Variants in NTSR1 observed in about 807,000 individuals in gnomAD.
The protein encoded by NTSR1 is neurotensin receptor 1.
NTSR1 carries 29 observed loss-of-function variants against 31.2 expected under a neutral mutation model. That is an observed-to-expected ratio of 0.93 (90% CI 0.69 to 1.27). NTSR1 has a LOEUF of 1.27. NTSR1 is among the 50% of genes most tolerant of loss of function. The probability of loss-of-function intolerance (pLI) is 0.00; values close to 1 mark genes in which losing one functional copy is unlikely to be tolerated. For synonymous variants in NTSR1, 282 were observed against 269.9 expected, an observed-to-expected ratio of 1.04 and a Z score of -0.44; for missense variants, 697 against 595.4, an observed-to-expected ratio of 1.17 and a Z score of -1.78.
chr20:62,759,321 G>A (rs1989568785), intron 3 of NTSR1, among the ~76,000 whole-genome samples: 1 of 152,178 alleles, frequency 6.6e-6, no homozygotes, highest in Non-Finnish European at 1.5e-5. Flanking sequence ...AAGGTGTGTG[G>A]CTGCTGGGGA....
chr20:62,751,224 G>GA (rs1989389114), intron 1 of NTSR1, among the ~76,000 whole-genome samples: 1 of 152,164 alleles, frequency 6.6e-6, no homozygotes, highest in African/African-American at 2.4e-5. Flanking sequence ...AAAGCTGGGG[G>GA]AAAAGGTTAA....
intron 1 of NTSR1, among the ~76,000 whole-genome samples, chr20:62,752,084 T>A (rs1345869877): frequency 6.6e-6 from 1 of 152,240 alleles, no homozygotes; most frequent in Non-Finnish European, 1.5e-5. Flanking sequence ...AGAGTCCATG[T>A]GTCTATGCAC....
rs895974712 is a variant in NTSR1, at chr20:62,709,634, G to A, written c.427G>A (p.Gly143Ser). Residue 143 changes from glycine (G) to serine (S), a missense_variant, in exon 1 of 4, where the codon GGC (glycine) becomes AGC (serine). Gly to Ser is a moderately conservative substitution (Grantham distance 56). Transcript: ENST00000370501. ...PWAFGDAGCRGYYFLRDACTY... is the reference protein window; with the variant it reads ...PWAFGDAGCRSYYFLRDACTY... ...GGCCTTCGGCGACGCCGGCTGCCGCGGCTACTACTTCCTGCGCGACGCCTG... is the reference window on the plus strand; with the variant it reads ...GGCCTTCGGCGACGCCGGCTGCCGCAGCTACTACTTCCTGCGCGACGCCTG... 1.2e-6 allele frequency: 2 copies of A among 1,612,310 alleles called. No individual in the cohort carries two copies. The highest frequency in any genetic ancestry group is 2.2e-5 in the South Asian group (2 of 91,076).
intron 1 of NTSR1, among the ~76,000 whole-genome samples, chr20:62,748,643 C>T (rs143411980): frequency 7.9e-4 from 120 of 152,298 alleles, no homozygotes; most frequent in African/African-American, 2.8e-3. Flanking sequence ...TCATCTTTGA[C>T]AAGGTGCTAT....
In NTSR1 at chr20:62,761,429, GA is replaced by G; in HGVS notation, c.*1167del. On this transcript the variant is annotated 3_prime_UTR_variant, in exon 4 of 4. Coordinates refer to ENST00000370501, the MANE Select transcript of NTSR1 (RefSeq NM_002531.3). ...CCCTGGCCCCGGCCTCCAAGCAGTT[GA>G]AAAAGCTGGCGCCTCCTTGGTCTCT... 6.6e-6 allele frequency: 1 copy of G among 152,442 alleles called. No individual in the cohort carries two copies. The highest frequency in any genetic ancestry group is 1.5e-5 in the Non-Finnish European group (1 of 68,142). The allele number at this position is 152,442 out of a possible 1,614,324, so 9.4% of individuals were successfully genotyped here.
At position 62,742,683 on chromosome 20, in the gene NTSR1, T is replaced by C. The variant is rs1224698771; in HGVS notation, c.715-12002T>C. ...CTTTTCCCTGGGTCCCTCCATGGTG[T>C]CTCCTCTGAGGACAGCCACTGGTCA... On this transcript the variant is annotated intron_variant, in intron 1 of 3. Transcript: ENST00000370501. The surrounding 1 kb of genome is among the most constrained non-coding windows in gnomAD (Gnocchi z 7.1). Among the ~76,000 whole-genome samples, 1 of 149,406 alleles carries C rather than the reference T, an allele frequency of 6.7e-6. No individual in the cohort carries two copies. The highest frequency in any genetic ancestry group is 2.2e-4 in the East Asian group (1 of 4,464).
At chr20:62,736,489 G>A (rs1271909532) in intron 1 of NTSR1, among the ~76,000 whole-genome samples, 4 of 152,248 alleles carry the variant, frequency 2.6e-5, no homozygotes, top group Non-Finnish European at 4.4e-5. Flanking sequence ...AGGAGAGGGG[G>A]TTTGGGAGAG....
chr20:62,754,879 C>G lies in NTSR1; in HGVS notation c.909C>G (p.Arg303=). ...TCCAGGCCCTGCGGCACGGCGTGCG[C>G]GTCCTACGTACGTAACCTCTGGGCC... ...GRVQALRHGV[R]VLRAVVIAFV... Residue 303 remains arginine (R), a synonymous_variant, in exon 2 of 4, where the codon CGC becomes CGG. Coordinates refer to ENST00000370501, the MANE Select transcript of NTSR1 (RefSeq NM_002531.3). 3 of 1,597,818 alleles carry G rather than the reference C, an allele frequency of 1.9e-6. No homozygotes were observed. The highest frequency in any genetic ancestry group is 2.5e-6 in the Non-Finnish European group (3 of 1,176,598).
At chr20:62,725,564 C>A (rs1415364945) in intron 1 of NTSR1, among the ~76,000 whole-genome samples, 1 of 152,222 alleles carries the variant, frequency 6.6e-6, no homozygotes, top group East Asian at 1.9e-4. Flanking sequence ...AATCCTGCAG[C>A]CACCCAACCG....
intron 1 of NTSR1, among the ~76,000 whole-genome samples, chr20:62,750,678 G>T: frequency 7.4e-6 from 1 of 135,508 alleles, no homozygotes; most frequent in Non-Finnish European, 1.5e-5. Context: ...GCGACAGAGC[G>T]AGACTCCGTC....
chr20:62,717,589 G>C (rs1988754557), intron 1 of NTSR1, among the ~76,000 whole-genome samples: 1 of 152,186 alleles, frequency 6.6e-6, no homozygotes, highest in Non-Finnish European at 1.5e-5. Flanking sequence ...ACTGTGCCTG[G>C]GGTGGAAGAA....
chr20:62,709,223 T>C lies in NTSR1; in HGVS notation c.16T>C (p.Ser6Pro), dbSNP rs762106785. ...AGCGCCCACCATGCGCCTCAACAGC[T>C]CCGCGCCGGGAACCCCGGGCACGCC... is the stretch of plus-strand genomic sequence containing the variant. MRLNS[S>P]APGTPGTPAA... Residue 6 changes from serine to proline, a missense_variant, in exon 1 of 4, where the codon TCC becomes CCC. By Grantham distance (74) the Ser-to-Pro change is moderately conservative. Coordinates refer to ENST00000370501, the MANE Select transcript of NTSR1 (RefSeq NM_002531.3). 134 of 1,480,086 alleles carry C rather than the reference T, an allele frequency of 9.1e-5. No homozygotes were observed. The highest frequency in any genetic ancestry group is 2.3e-4 in the Admixed American group (10 of 42,840). The allele number at this position is 1,480,086 out of a possible 1,614,324, so 91.7% of individuals were successfully genotyped here.
rs1313970951 is a variant in NTSR1, at chr20:62,762,399, A to G, written c.*2132A>G. ...GGCAGAGTGGATGCCCCACTGCCCT[A>G]GACCCTCGGTAGACGTGGGGTCTCT... On this transcript the variant is annotated 3_prime_UTR_variant, in exon 4 of 4. Transcript: ENST00000370501. The G allele has an allele frequency of 2.0e-5, 3 of 152,208 alleles. No individual in the cohort carries two copies. The highest frequency in any genetic ancestry group is 7.2e-5 in the African/African-American group (3 of 41,436). 9.4% of individuals were successfully genotyped at this position (152,208 alleles called of 1,614,324 possible). A position where few individuals can be genotyped will look rare whatever the true frequency, so the allele number is the denominator to read the frequency against.
chr20:62,755,122 C>CTCCATCCATCCTTCCCTCCCTCCA (rs1989463513), intron 2 of NTSR1, among the ~76,000 whole-genome samples: 6 of 123,122 alleles, frequency 4.9e-5, no homozygotes, highest in Non-Finnish European at 1.0e-4. Context: ...CCCTCCCTCC[C>CTCCATCCATCCTTCCCTCCCTCCA]TCCATCCATC....
chr20:62,717,455 C>T (rs1237688082), intron 1 of NTSR1, among the ~76,000 whole-genome samples: 2 of 152,212 alleles, frequency 1.3e-5, no homozygotes, highest in Non-Finnish European at 2.9e-5. Flanking sequence ...CCCAGCTTCA[C>T]CACTGGCCAG....
At chr20:62,736,810 C>T (rs1989103024) in intron 1 of NTSR1, among the ~76,000 whole-genome samples, 1 of 152,240 alleles carries the variant, frequency 6.6e-6, no homozygotes, top group African/African-American at 2.4e-5. Flanking sequence ...TTGTAATCCC[C>T]ATAATGCCCC....
chr20:62,709,462 G>A lies in NTSR1; in HGVS notation c.255G>A (p.Ala85=), dbSNP rs1446536670. ...GCACGGTGGGCAACACGGTGACGGC[G>A]TTCACGCTGGCGCGGAAGAAGTCGC... ...VVGTVGNTVT[A]FTLARKKSLQ... Residue 85 remains alanine (A), a synonymous_variant, in exon 1 of 4, where the codon GCG becomes GCA. Coordinates refer to ENST00000370501, the MANE Select transcript of NTSR1 (RefSeq NM_002531.3). The A allele has an allele frequency of 1.9e-6, 3 of 1,612,618 alleles. No homozygotes were observed. Among genetic ancestry groups the A allele is most frequent in the Admixed American group, 1.7e-5 (1 of 59,994 alleles).
rs1989277739 is a variant in NTSR1, at chr20:62,745,204, G to A, written c.715-9481G>A. On this transcript the variant is annotated intron_variant, in intron 1 of 3. Coordinates refer to ENST00000370501, the MANE Select transcript of NTSR1 (RefSeq NM_002531.3). The surrounding 1 kb of genome is among the most constrained non-coding windows in gnomAD (Gnocchi z 4.1). ...CCAGACTCAGAGGGAGACCCAGACA[G>A]ACAGCAACACAAAGACAGAGAGAGA... is the stretch of plus-strand genomic sequence containing the variant. Among the ~76,000 whole-genome samples, 1 of 152,178 alleles carries A rather than the reference G, an allele frequency of 6.6e-6. No individual in the cohort carries two copies. Among genetic ancestry groups the A allele is most frequent in the Non-Finnish European group, 1.5e-5 (1 of 68,028 alleles).
rs574995156 is a variant in NTSR1, at chr20:62,742,809, G to A, written c.715-11876G>A. On this transcript the variant is annotated intron_variant, in intron 1 of 3. Coordinates refer to ENST00000370501, the MANE Select transcript of NTSR1 (RefSeq NM_002531.3). The surrounding 1 kb of genome is among the most constrained non-coding windows in gnomAD (Gnocchi z 7.1). ...TGGCACCCCACCTCTGGCATGGGGA[G>A]CAGAGACCCACCAGGGTTCCCATCC... 3.4e-4 allele frequency among the ~76,000 whole-genome samples: 51 copies of A among 148,856 alleles called. 2 individuals are homozygous for A. The highest frequency in any genetic ancestry group is 6.0e-4 in the Non-Finnish European group (41 of 67,898).
Sources: allele counts gnomAD v4.1 joint callset (sites outside exome capture counted in the v4.1 genomes callset), GRCh38; gene constraint gnomAD v4.1.1; non-coding constraint Gnocchi (gnomAD v3.1); transcripts MANE v1.5; gene names NCBI Gene and HGNC (gene_info 2026-07-23, HGNC 2026-07-21).